The following ITGAL variants were observed in gnomAD, a reference collection of about 807,000 sequenced individuals.
ITGAL encodes the protein integrin subunit alpha L.
A neutral mutation model predicts 138.4 loss-of-function variants in ITGAL; 68 were observed. The observed-to-expected ratio is 0.49, with a 90% CI of 0.40 to 0.60. ITGAL has a LOEUF of 0.60. Among genes scored for constraint, ITGAL ranks in the 20% least tolerant of loss-of-function variants. The pLI is 0.00. For missense variants in ITGAL, 1,256 were observed against 1,478.6 expected (o/e 0.85, Z 2.47); for synonymous variants, 561 against 584.3 (o/e 0.96, Z 0.57).
In ITGAL at chr16:30,472,890, T is replaced by A; in HGVS notation, c.53T>A (p.Phe18Tyr). Residue 18 changes from phenylalanine to tyrosine, a missense_variant, in exon 1 of 31, where the codon TTT becomes TAT. Transcript: ENST00000356798. ...GCCATGGCGCTGCTGTCTGGGTTCT[T>A]TTTCTTCGGTAGGCAAGGGAGGAGG... Reference protein sequence around the residue: ...VMAMALLSGFFFFAPASSYNL... With the variant: ...VMAMALLSGFYFFAPASSYNL... The A allele has an allele frequency of 1.2e-6, 2 of 1,612,888 alleles. No homozygotes were observed. The highest frequency in any genetic ancestry group is 4.5e-5 in the East Asian group (2 of 44,862).
chr16:30,508,325 T>C (rs2051037512), intron 21 of ITGAL, among the ~76,000 whole-genome samples: 1 of 150,808 alleles, frequency 6.6e-6, no homozygotes, highest in African/African-American at 2.4e-5. Context: ...GTGATTCTCC[T>C]GCCTCAGCCT....
intron 9 of ITGAL, among the ~76,000 whole-genome samples, chr16:30,487,763 T>C (rs888127135): frequency 6.0e-5 from 9 of 150,334 alleles, no homozygotes; most frequent in Non-Finnish European, 1.3e-4. Flanking sequence ...TGGAGAGCAG[T>C]GGTGCGATCT....
chr16:30,519,984 G>C lies in ITGAL; in HGVS notation c.3339+17G>C. On this transcript the variant is annotated intron_variant, in intron 30 of 30. Transcript: ENST00000356798. ...CTGTACAAGGTGGGTGCCTCCGGGG[G>C]TCACAGGCATTGCTGAGACAGCCAG... 6.4e-7 allele frequency: 1 copy of C among 1,561,338 alleles called. No individual in the cohort carries two copies. Among genetic ancestry groups the C allele is most frequent in the South Asian group, 1.1e-5 (1 of 90,196 alleles).
intron 17 of ITGAL, among the ~76,000 whole-genome samples, chr16:30,500,526 GGTTTTTAAT>G (rs1036386854): frequency 1.3e-5 from 2 of 150,334 alleles, no homozygotes; most frequent in African/African-American, 4.9e-5. Context: ...GCTGCTTCTA[GGTTTTTAAT>G]TTTTTTAATT....
intron 24 of ITGAL, among the ~76,000 whole-genome samples, chr16:30,512,323 A>G (rs1444850130): frequency 6.6e-6 from 1 of 152,148 alleles, no homozygotes; most frequent in African/African-American, 2.4e-5. Context: ...GTGGTGGCTC[A>G]CACCTGTAAT....
chr16:30,481,727 C>T, intron 7 of ITGAL, 143 bp downstream of exon 7: 1 of 699,118 alleles, frequency 1.4e-6, no homozygotes, highest in East Asian at 2.7e-5. Flanking sequence ...AACAATTTTA[C>T]TGCAGATTCT....
Position 30,494,850 on chromosome 16 carries a change from G to A in ITGAL, c.1503G>A (p.Gln501=), listed in dbSNP as rs1260873096. ...GGGTGTTTATCTACCAGAGAAGACA[G>A]GTGGGGCCAGGATCTGGAGCTGAGA... ...GGRVFIYQRR[Q]LGFEEVSELQ... is the part of the protein sequence containing the mutation. The change falls in exon 13 of 31, where the codon CAG becomes CAA. Residue 501 remains glutamine (Q), a splice_region_variant and synonymous_variant. Coordinates refer to ENST00000356798, the MANE Select transcript of ITGAL (RefSeq NM_002209.3). This position sits in a 1 kb window ranked among gnomAD's most constrained non-coding sequence, Gnocchi z 4.2. 3 of 1,591,194 alleles carry A rather than the reference G, an allele frequency of 1.9e-6. No individual in the cohort carries two copies. The highest frequency in any genetic ancestry group is 1.7e-5 in the Admixed American group (1 of 57,760).
At chr16:30,507,351 C>T (rs796557176) in intron 21 of ITGAL, among the ~76,000 whole-genome samples, 30 of 150,170 alleles carry the variant, frequency 2.0e-4, no homozygotes, top group African/African-American at 7.1e-4. Flanking sequence ...CCCAGCTACT[C>T]GGGAGGCTGA....
rs2050602416 is a variant in ITGAL at position 30,484,157 on chromosome 16, C to A, written c.900C>A (p.His300Gln). 1 of 1,614,024 alleles carries A rather than the reference C, an allele frequency of 6.2e-7. No homozygotes were observed. Among genetic ancestry groups the A allele is most frequent in the African/African-American group, 1.3e-5 (1 of 74,928 alleles). ...FQTKESQETL[H>Q]KFASKPASEF... ...CCAAGGAGAGTCAGGAGACCCTCCA[C>A]AAATTTGCATCAAAACCCGCGAGCG... is the stretch of plus-strand genomic sequence containing the variant. Residue 300 changes from histidine (H) to glutamine (Q), a missense_variant, in exon 9 of 31, where the codon CAC becomes CAA. Transcript: ENST00000356798.
intron 17 of ITGAL, among the ~76,000 whole-genome samples, chr16:30,500,047 C>A (rs997179924): frequency 4.9e-5 from 7 of 143,090 alleles, no homozygotes; most frequent in African/African-American, 7.7e-5. Flanking sequence ...TCGCTCCTGG[C>A]CTATTTTATA....
At chr16:30,520,445 A>G (rs1597113215) in intron 30 of ITGAL, among the ~76,000 whole-genome samples, 2 of 152,278 alleles carry the variant, frequency 1.3e-5, no homozygotes. Flanking sequence ...ACACACACAC[A>G]AACAGCAAGA....
At chr16:30,514,825 CTTTT>C (rs35701226) in intron 25 of ITGAL, among the ~76,000 whole-genome samples, 6 of 134,244 alleles carry the variant, frequency 4.5e-5, no homozygotes, top group Admixed American at 7.5e-5. Context: ...TTTTTCTTTT[CTTTT>C]TTTTTTTTTT....
intron 11 of ITGAL, among the ~76,000 whole-genome samples, chr16:30,493,790 G>C (rs749077160): frequency 6.6e-6 from 1 of 152,110 alleles, no homozygotes; most frequent in Non-Finnish European, 1.5e-5. Context: ...TATTTGGGAG[G>C]TTGAGGCAGG....
At chr16:30,499,644 T>G (rs997528268) in intron 17 of ITGAL, 155 bp downstream of exon 17, 8 of 460,316 alleles carry the variant, frequency 1.7e-5, no homozygotes, top group Non-Finnish European at 3.0e-5. Flanking sequence ...GCATATTTTC[T>G]TCTAGTGTTT....
chr16:30,472,802 G>T lies in ITGAL; in HGVS notation c.-36G>T, dbSNP rs953992926. The T allele has an allele frequency of 1.9e-6, 3 of 1,604,044 alleles. No individual in the cohort carries two copies. In the African/African-American group the frequency reaches 4.0e-5, roughly 21 times the overall value. On this transcript the variant is annotated 5_prime_UTR_variant, in exon 1 of 31. Transcript: ENST00000356798. ...CAAATCCCACGGGCCTCCTGACGCT[G>T]CCCCTGGGGCCACAGGTCCCTCGAG...
intron 15 of ITGAL, among the ~76,000 whole-genome samples, chr16:30,497,368 G>A (rs1208127997): frequency 1.3e-5 from 2 of 151,938 alleles, no homozygotes; most frequent in South Asian, 2.1e-4. Flanking sequence ...TTAACAGGGT[G>A]TGGTGGCTCA....
chr16:30,516,915 G>A (rs994200235), intron 25 of ITGAL, 58 bp from the exon 26 acceptor site: 11 of 1,200,326 alleles, frequency 9.2e-6, no homozygotes, highest in Non-Finnish European at 1.2e-5. Context: ...CACAGGGTCT[G>A]GGGGGCAGCT....
At chr16:30,513,132 G>A (rs1567489117) in intron 24 of ITGAL, among the ~76,000 whole-genome samples, 1 of 152,212 alleles carries the variant, frequency 6.6e-6, no homozygotes, top group Non-Finnish European at 1.5e-5. Flanking sequence ...GGGGTCTGGA[G>A]GATGAGGCCA....
At chr16:30,496,385 C>T (rs2050800973) in intron 14 of ITGAL, 51 bp from the exon 15 acceptor site, 1 of 1,613,482 alleles carries the variant, frequency 6.2e-7, no homozygotes, top group African/African-American at 1.3e-5. Flanking sequence ...TCCTTCCCTC[C>T]CTCCAACCTA....
Sources: gnomAD v4.1 joint callset for allele counts (sites outside exome capture counted in the v4.1 genomes callset) on GRCh38, gnomAD v4.1.1 for gene constraint, Gnocchi (gnomAD v3.1) non-coding constraint, MANE v1.5 for transcripts, NCBI Gene and HGNC (gene_info 2026-07-23, HGNC 2026-07-21) for gene names.